Variants in EPM2A observed in about 807,000 individuals in gnomAD.
The protein encoded by EPM2A is EPM2A glucan phosphatase, laforin.
In EPM2A, 21 loss-of-function variants were observed where a neutral mutation model predicts 26.5. The ratio of observed to expected loss-of-function variants is 0.79; its 90% CI spans 0.56 to 1.14. EPM2A has a LOEUF of 1.14. EPM2A is among the 50% of genes most tolerant of loss of function. The pLI is 0.00. For missense variants in EPM2A, 458 were observed against 440.8 expected, an observed-to-expected ratio of 1.04 and a Z score of -0.35; for synonymous variants, 217 against 177.6, an observed-to-expected ratio of 1.22 and a Z score of -1.76.
At chr6:145,409,559 G>T (rs1210291026) in intron 4 of EPM2A, among the ~76,000 whole-genome samples, 1 of 152,132 alleles carries the variant, frequency 6.6e-6, no homozygotes, top group Admixed American at 6.6e-5. Flanking sequence ...TGTAGATGGG[G>T]AGCAAATTAT....
chr6:145,488,250 T>G (rs1440769977), intron 4 of EPM2A, among the ~76,000 whole-genome samples: 1 of 152,152 alleles, frequency 6.6e-6, no homozygotes, highest in Non-Finnish European at 1.5e-5. Context: ...CCTGGTAGTG[T>G]GATGCCTCCA....
At chr6:145,671,276 T>C (rs1276866338) in intron 2 of EPM2A, 3 of 1,049,144 alleles carry the variant, frequency 2.9e-6, no homozygotes, top group Non-Finnish European at 3.5e-6. Flanking sequence ...ATAAAATATG[T>C]GTATTTCCAA....
At chr6:145,622,593 T>C (rs1775660177), downstream of EPM2A, among the ~76,000 whole-genome samples, 1 of 152,134 alleles carries the variant, frequency 6.6e-6, no homozygotes, top group South Asian at 2.1e-4. Flanking sequence ...AGACACAGAC[T>C]CCCATACTGG....
chr6:145,555,698 T>C lies in EPM2A; in HGVS notation c.341-53123A>G, dbSNP rs181660912. On this transcript the variant is annotated intron_variant, in intron 2 of 3. Transcript: ENST00000450221. ...ACAAATAGTTGTGTGTGCTTGCATT[T>C]TTCTATTTAGACAATATATATTAAT... Among the ~76,000 whole-genome samples, 10 of 152,246 alleles carry C rather than the reference T, an allele frequency of 6.6e-5. No individual in the cohort carries two copies. In the East Asian group the frequency reaches 1.5e-3, roughly 24 times the overall value.
At chr6:145,572,613 G>A (rs1238513793) in intron 2 of EPM2A, among the ~76,000 whole-genome samples, 1 of 152,158 alleles carries the variant, frequency 6.6e-6, no homozygotes, top group Non-Finnish European at 1.5e-5. Flanking sequence ...CAAAAGGAGA[G>A]TAGTTATCTG....
intron 4 of EPM2A, among the ~76,000 whole-genome samples, chr6:145,439,674 G>C (rs1779036532): frequency 6.6e-6 from 1 of 151,742 alleles, no homozygotes; most frequent in Non-Finnish European, 1.5e-5. Context: ...TTTGTTTTTT[G>C]CTTGTATGTT....
downstream of EPM2A, among the ~76,000 whole-genome samples, chr6:145,624,627 G>A (rs183074235): frequency 1.4e-4 from 21 of 152,304 alleles, no homozygotes; most frequent in East Asian, 2.3e-3. Flanking sequence ...CATTAAATGA[G>A]ATTATTTCTA....
intron 2 of EPM2A, among the ~76,000 whole-genome samples, chr6:145,575,755 T>C (rs1241438752): frequency 6.6e-6 from 1 of 152,226 alleles, no homozygotes; most frequent in Non-Finnish European, 1.5e-5. Context: ...ATCAGTGTTC[T>C]CCATACTATC....
chr6:145,729,708 G>C (rs765283044), intron 1 of EPM2A, among the ~76,000 whole-genome samples: 5 of 152,198 alleles, frequency 3.3e-5, no homozygotes, highest in Non-Finnish European at 7.3e-5. Flanking sequence ...TCTCAGATGA[G>C]ACTTTGGACT....
intron 4 of EPM2A, among the ~76,000 whole-genome samples, chr6:145,441,707 C>G (rs1471579226): frequency 6.6e-6 from 1 of 151,764 alleles, no homozygotes; most frequent in Non-Finnish European, 1.5e-5. Flanking sequence ...ACTAAAAATG[C>G]AAAAATTAGC....
chr6:145,641,510 G>A (rs1777085932), intron 2 of EPM2A, among the ~76,000 whole-genome samples: 1 of 152,174 alleles, frequency 6.6e-6, no homozygotes, highest in South Asian at 2.1e-4. Context: ...CACACTGTCT[G>A]TGGCACTTTG....
At chr6:145,394,229 A>G (rs1053299313) in intron 4 of EPM2A, among the ~76,000 whole-genome samples, 3 of 152,068 alleles carry the variant, frequency 2.0e-5, no homozygotes, top group Non-Finnish European at 4.4e-5. Context: ...CATCAAGTTC[A>G]TATTTCTTTT....
At chr6:145,683,810 C>A (rs565263194) in intron 2 of EPM2A, among the ~76,000 whole-genome samples, 1 of 152,038 alleles carries the variant, frequency 6.6e-6, no homozygotes, top group Non-Finnish European at 1.5e-5. Context: ...CAGCTTGCCC[C>A]CAACACCTCT....
chr6:145,422,485 A>AT (rs1337051844), intron 4 of EPM2A, among the ~76,000 whole-genome samples: 3 of 150,936 alleles, frequency 2.0e-5, no homozygotes, highest in Non-Finnish European at 4.4e-5. Context: ...TTGTAAAAAA[A>AT]AAATCTGAAA....
At chr6:145,569,604 C>A (rs761816975) in intron 2 of EPM2A, among the ~76,000 whole-genome samples, 3 of 152,158 alleles carry the variant, frequency 2.0e-5, no homozygotes, top group Non-Finnish European at 4.4e-5. Context: ...TAAAAGCCCC[C>A]TTTGATTTAT....
Position 145,387,861 on chromosome 6 carries a change from G to C in EPM2A, c.556-3764C>G, listed in dbSNP as rs555026801. ...TGCCAAGTTATGGTACAAGCAGGCA[G>C]AGGAGCAGGGGAGACTGTGATAGAT... On this transcript the variant is annotated intron_variant, in intron 4 of 4. Coordinates refer to the EPM2A transcript ENST00000638717. Among the ~76,000 whole-genome samples the C allele has an allele frequency of 3.9e-5, 6 of 152,112 alleles. 1 individual carries two copies. In the South Asian group the frequency reaches 1.2e-3, roughly 32 times the overall value.
At chr6:145,595,692 T>C (rs1781333587) in intron 2 of EPM2A, among the ~76,000 whole-genome samples, 1 of 152,176 alleles carries the variant, frequency 6.6e-6, no homozygotes, top group African/African-American at 2.4e-5. Flanking sequence ...TGTTTTTGCA[T>C]ATTGATTTTG....
At chr6:145,734,913 G>C (rs1251256821) in intron 1 of EPM2A, 1 of 217,034 alleles carries the variant, frequency 4.6e-6, no homozygotes, top group African/African-American at 2.3e-5. Flanking sequence ...TGGATGTGCG[G>C]AAACCAGGTC....
At chr6:145,406,602 A>C (rs1460005971) in intron 4 of EPM2A, among the ~76,000 whole-genome samples, 1 of 152,196 alleles carries the variant, frequency 6.6e-6, no homozygotes, top group Non-Finnish European at 1.5e-5. Flanking sequence ...GATAAACTGC[A>C]ATAGCCCAGG....
Sources: allele counts gnomAD v4.1 joint callset (sites outside exome capture counted in the v4.1 genomes callset), GRCh38; gene constraint gnomAD v4.1.1; transcripts MANE v1.5; gene names NCBI Gene and HGNC (gene_info 2026-07-23, HGNC 2026-07-21).